The following EIF4G3 variants were observed in gnomAD, a reference collection of about 807,000 sequenced individuals.
The protein encoded by EIF4G3 is eukaryotic translation initiation factor 4 gamma 3, also known as eIF-4-gamma 3.
A neutral mutation model predicts 186.4 loss-of-function variants in EIF4G3; 34 were observed. The observed-to-expected ratio is 0.18, with a 90% CI of 0.14 to 0.24. The LOEUF is 0.24. EIF4G3 is among the 10% of genes least tolerant of loss of function. The pLI, the probability that EIF4G3 is intolerant of heterozygous loss-of-function variation, is 1.00. For synonymous variants in EIF4G3, 673 were observed against 679.5 expected, an observed-to-expected ratio of 0.99 and a Z score of 0.15; for missense variants, 1,536 against 1,948.5, an observed-to-expected ratio of 0.79 and a Z score of 3.99.
intron 26 of EIF4G3, 139 bp downstream of exon 26, chr1:20,854,839 A>G: frequency 1.9e-6 from 1 of 531,740 alleles, no homozygotes; most frequent in Admixed American, 3.4e-5. Flanking sequence ...GTTGAAAGGA[A>G]AGGGCTACCA....
chr1:20,926,499 C>T (rs1469361730), intron 14 of EIF4G3, among the ~76,000 whole-genome samples: 1 of 151,952 alleles, frequency 6.6e-6, no homozygotes, highest in Admixed American at 6.6e-5. Context: ...GGCAATATGG[C>T]GAGACTCTAT....
At chr1:20,907,906 C>G (rs2092527870) in intron 14 of EIF4G3, among the ~76,000 whole-genome samples, 2 of 152,076 alleles carry the variant, frequency 1.3e-5, no homozygotes, top group South Asian at 4.2e-4. Context: ...TGGGTATATA[C>G]CCAGTAATGG....
intron 7 of EIF4G3, among the ~76,000 whole-genome samples, chr1:20,986,400 T>C (rs2079468581): frequency 6.6e-6 from 1 of 152,188 alleles, no homozygotes; most frequent in Admixed American, 6.5e-5. Context: ...CACTTCAGTG[T>C]GTACTCTTAC....
At chr1:21,039,390 A>G (rs1463572987) in intron 4 of EIF4G3, among the ~76,000 whole-genome samples, 1 of 152,282 alleles carries the variant, frequency 6.6e-6, no homozygotes, top group Non-Finnish European at 1.5e-5. Context: ...AAAGTATACA[A>G]TTCCAACAAA....
intron 2 of EIF4G3, among the ~76,000 whole-genome samples, chr1:21,118,344 C>T (rs947035579): frequency 5.9e-5 from 9 of 152,122 alleles, no homozygotes; most frequent in African/African-American, 2.2e-4. Context: ...AACTAAAATG[C>T]AATTAACGAA....
intron 23 of EIF4G3, among the ~76,000 whole-genome samples, chr1:20,861,197 A>C (rs1571816428): frequency 6.6e-6 from 1 of 152,212 alleles, no homozygotes; most frequent in Non-Finnish European, 1.5e-5. Flanking sequence ...ATCATCATCA[A>C]TGCTATCTGG....
intron 3 of EIF4G3, among the ~76,000 whole-genome samples, chr1:21,058,907 G>T (rs2094727696): frequency 6.6e-6 from 1 of 150,830 alleles, no homozygotes. Context: ...CTTGTGACTG[G>T]ATTCTACACA....
At chr1:20,959,065 C>CA (rs2096507665) in intron 12 of EIF4G3, among the ~76,000 whole-genome samples, 1 of 151,774 alleles carries the variant, frequency 6.6e-6, no homozygotes, top group Non-Finnish European at 1.5e-5. Flanking sequence ...CATATGGAAC[C>CA]AAAAAAGGGC....
intron 3 of EIF4G3, among the ~76,000 whole-genome samples, chr1:21,085,234 T>G (rs2095923604): frequency 6.6e-6 from 1 of 152,038 alleles, no homozygotes; most frequent in Admixed American, 6.6e-5. Context: ...TATCTTAATT[T>G]AAAAATAATA....
intron 31 of EIF4G3, among the ~76,000 whole-genome samples, chr1:20,828,224 G>T (rs2064169624): frequency 6.6e-6 from 1 of 151,940 alleles, no homozygotes; most frequent in Non-Finnish European, 1.5e-5. Flanking sequence ...TAGAGACAGG[G>T]TTTCACCATG....
chr1:20,927,809 T>G (rs2095026118), intron 14 of EIF4G3, among the ~76,000 whole-genome samples: 1 of 152,210 alleles, frequency 6.6e-6, no homozygotes, highest in Non-Finnish European at 1.5e-5. Flanking sequence ...CAACTGGATA[T>G]TTCATATCTG....
At chr1:20,904,470 C>T (rs941205459) in intron 15 of EIF4G3, among the ~76,000 whole-genome samples, 4 of 152,236 alleles carry the variant, frequency 2.6e-5, no homozygotes, top group Admixed American at 6.5e-5. Context: ...CTGAGCCTCC[C>T]GAGTAGCTGG....
At chr1:20,837,250 G>T (rs565053952) in intron 30 of EIF4G3, among the ~76,000 whole-genome samples, 1 of 152,052 alleles carries the variant, frequency 6.6e-6, no homozygotes, top group Admixed American at 6.5e-5. Flanking sequence ...TCTGTTGCCA[G>T]GCTGGAGTGC....
At chr1:21,132,657 G>T (rs1373017239) in intron 2 of EIF4G3, among the ~76,000 whole-genome samples, 1 of 151,998 alleles carries the variant, frequency 6.6e-6, no homozygotes, top group Non-Finnish European at 1.5e-5. Flanking sequence ...GTAGGCTGGT[G>T]TCAAACTCCT....
intron 14 of EIF4G3, among the ~76,000 whole-genome samples, chr1:20,938,431 G>T (rs1376061615): frequency 6.6e-6 from 1 of 152,186 alleles, no homozygotes; most frequent in African/African-American, 2.4e-5. Flanking sequence ...TATACCAACT[G>T]ATATGTTATT....
At chr1:21,149,323 T>C (rs556348015) in intron 2 of EIF4G3, among the ~76,000 whole-genome samples, 2 of 152,290 alleles carry the variant, frequency 1.3e-5, no homozygotes, top group African/African-American at 2.4e-5. Flanking sequence ...GAGTTAGAGT[T>C]ATGAGTAAAC....
At chr1:20,914,698 T>G (rs900362750) in intron 14 of EIF4G3, among the ~76,000 whole-genome samples, 2 of 152,246 alleles carry the variant, frequency 1.3e-5, no homozygotes, top group African/African-American at 4.8e-5. Context: ...AAATATTTTA[T>G]AATTTCTGAT....
Position 20,949,989 on chromosome 1 carries a change from A to G in EIF4G3, c.823+14T>C. 6.2e-7 allele frequency: 1 copy of G among 1,604,052 alleles called. No homozygotes were observed. The highest frequency in any genetic ancestry group is 8.5e-7 in the Non-Finnish European group (1 of 1,171,504). ...GACTAAAGATAAGAGGGAGGAAAACAGTCATACACAAACCTTGCTTCTGGT... is the reference window on the plus strand; with the variant it reads ...GACTAAAGATAAGAGGGAGGAAAACGGTCATACACAAACCTTGCTTCTGGT... On this transcript the variant is annotated intron_variant, in intron 13 of 36. Transcript: ENST00000602326.
rs1407080295 is a variant in EIF4G3 at position 20,942,036 on chromosome 1, G to A, written c.1118C>T (p.Thr373Ile). Residue 373 changes from threonine to isoleucine, a missense_variant, in exon 14 of 37, where the codon ACA becomes ATA. Thr to Ile is a moderately conservative substitution (Grantham distance 89). Coordinates refer to ENST00000602326, the MANE Select transcript of EIF4G3 (RefSeq NM_001391906.1). ...AGGGTCTGATGTTTCTGTGCAAGAT[G>A]TGAGGCTGGGTATAGGAATTGTGTC... ...REDTIPIPSLTSCTETSDPLP... is the reference protein window; with the variant it reads ...REDTIPIPSLISCTETSDPLP... 1 of 1,614,174 alleles carries A rather than the reference G, an allele frequency of 6.2e-7. No homozygotes were observed. The highest frequency in any genetic ancestry group is 1.7e-5 in the Admixed American group (1 of 60,030).
Sources: gnomAD v4.1 joint callset for allele counts (sites outside exome capture counted in the v4.1 genomes callset) on GRCh38, gnomAD v4.1.1 for gene constraint, MANE v1.5 for transcripts, NCBI Gene and HGNC (gene_info 2026-07-23, HGNC 2026-07-21) for gene names.